The following CDH4 variants were observed in gnomAD, a reference collection of about 807,000 sequenced individuals.
CDH4 encodes cadherin 4.
Under a neutral mutation model 86.0 loss-of-function variants are expected in CDH4, and 33 were observed. That is an observed-to-expected ratio of 0.38 (90% confidence interval 0.29 to 0.51). The LOEUF is 0.51. Ranked by LOEUF, CDH4 falls within the 20% of genes least tolerant of loss-of-function variation. The pLI is 0.86. For synonymous variants in CDH4, 555 were observed against 549.4 expected (o/e 1.01, Z -0.14); for missense variants, 1,114 against 1,307.4 (o/e 0.85, Z 2.28).
chr20:61,569,033 G>A (rs1051654806), intron 2 of CDH4, among the ~76,000 whole-genome samples: 3 of 152,218 alleles, frequency 2.0e-5, no homozygotes, highest in African/African-American at 7.2e-5. Flanking sequence ...CCACTGGACT[G>A]CATGGGTCAT....
chr20:61,766,180 C>A (rs984701351), intron 3 of CDH4, among the ~76,000 whole-genome samples: 2 of 151,986 alleles, frequency 1.3e-5, no homozygotes, highest in African/African-American at 4.8e-5. Context: ...CCTGACCCTC[C>A]CCTCCCTACC....
At chr20:61,717,174 ACCAAGT>A (rs899469075) in intron 2 of CDH4, among the ~76,000 whole-genome samples, 3 of 152,220 alleles carry the variant, frequency 2.0e-5, no homozygotes, top group Non-Finnish European at 4.4e-5. Flanking sequence ...CTCAACATGC[ACCAAGT>A]CCCCCTTGAC....
At chr20:61,574,167 C>T (rs1368106524) in intron 2 of CDH4, among the ~76,000 whole-genome samples, 1 of 152,242 alleles carries the variant, frequency 6.6e-6, no homozygotes, top group Non-Finnish European at 1.5e-5. Context: ...CACAAAGGTG[C>T]CTTCCCTCCC....
intron 8 of CDH4, among the ~76,000 whole-genome samples, chr20:61,900,390 G>T (rs968609627): frequency 3.9e-5 from 6 of 152,102 alleles, no homozygotes; most frequent in South Asian, 2.1e-4. Context: ...CAACTTTTCC[G>T]AGCACAGAGG....
At chr20:61,315,340 T>C in intron 2 of CDH4, among the ~76,000 whole-genome samples, 1 of 152,112 alleles carries the variant, frequency 6.6e-6, no homozygotes, top group Non-Finnish European at 1.5e-5. Flanking sequence ...GGAGAGAAAC[T>C]GGGGGACATT....
chr20:61,910,182 T>C (rs1034245767), intron 8 of CDH4, among the ~76,000 whole-genome samples: 16 of 151,538 alleles, frequency 1.1e-4, no homozygotes, highest in African/African-American at 2.9e-4. Context: ...TGAGCTGGGC[T>C]GACATGGTGT....
intron 2 of CDH4, among the ~76,000 whole-genome samples, chr20:61,667,140 A>G (rs2087334759): frequency 6.6e-6 from 1 of 152,330 alleles, no homozygotes; most frequent in African/African-American, 2.4e-5. Flanking sequence ...GGAGGCAAAG[A>G]AGGGGCCGGT....
intron 6 of CDH4, among the ~76,000 whole-genome samples, chr20:61,860,848 C>T (rs1230080432): frequency 6.6e-6 from 1 of 152,102 alleles, no homozygotes; most frequent in Non-Finnish European, 1.5e-5. Context: ...TTTATATCTG[C>T]AGGAGGACTC....
rs73915249 is a variant in CDH4 at position 61,268,388 on chromosome 20, C to T, written c.169+13451C>T. Reference sequence around the variant, plus strand: ...GTGGGAGCCGAGTGGGACCTGCACACGGGGAGGCCCAGGCCAACAGGTCAG... The same window carrying T: ...GTGGGAGCCGAGTGGGACCTGCACATGGGGAGGCCCAGGCCAACAGGTCAG... On this transcript the variant is annotated intron_variant, in intron 2 of 15. Transcript: ENST00000614565. Among the ~76,000 whole-genome samples the T allele has an allele frequency of 5.4e-3, 821 of 152,384 alleles. 7 individuals carry two copies. Among genetic ancestry groups the T allele is most frequent in the African/African-American group, 0.018 (766 of 41,594 alleles).
rs1292408492 is a variant in CDH4, at chr20:61,684,759, C to A, written c.170-58804C>A. 1.3e-5 allele frequency among the ~76,000 whole-genome samples: 2 copies of A among 152,178 alleles called. No individual in the cohort carries two copies. Among genetic ancestry groups the A allele is most frequent in the African/African-American group, 2.4e-5 (1 of 41,432 alleles). On this transcript the variant is annotated intron_variant, in intron 2 of 15. Transcript: ENST00000614565. This position sits in a 1 kb window ranked among gnomAD's most constrained non-coding sequence, Gnocchi z 4.5. ...TGCCACACCCACCCAGCACAGCAGC[C>A]TCCCTCAATCTGCAGCCCACAGCCG...
At chr20:61,901,055 G>C (rs754098462) in intron 8 of CDH4, among the ~76,000 whole-genome samples, 1 of 152,236 alleles carries the variant, frequency 6.6e-6, no homozygotes, top group African/African-American at 2.4e-5. Context: ...CTCCAATCCC[G>C]GGTAAGAAGA....
intron 2 of CDH4, among the ~76,000 whole-genome samples, chr20:61,386,914 G>C: frequency 6.6e-6 from 1 of 152,226 alleles, no homozygotes; most frequent in East Asian, 1.9e-4. Context: ...GTCAGGACCG[G>C]CCCCAAGACC....
intron 3 of CDH4, among the ~76,000 whole-genome samples, chr20:61,761,231 C>G (rs1310504070): frequency 2.0e-5 from 3 of 152,104 alleles, no homozygotes; most frequent in Non-Finnish European, 4.4e-5. Flanking sequence ...GGGAGGGGGG[C>G]TCACATAATT....
At position 61,565,388 on chromosome 20, in the gene CDH4, TGG is replaced by T. The variant is rs1491003999; in HGVS notation, c.170-178172_170-178171del. On this transcript the variant is annotated intron_variant, in intron 2 of 15. Coordinates refer to ENST00000614565, the MANE Select transcript of CDH4 (RefSeq NM_001794.5). ...ATGGTGGTGGTGGTCCTCTTGGTGA[TGG>T]GGTGATGGTGGTGGCGGTGCTCTTG... Among the ~76,000 whole-genome samples, 2 of 20,844 alleles carry T rather than the reference TGG, an allele frequency of 9.6e-5. 1 individual carries two copies. The highest frequency in any genetic ancestry group is 3.6e-3 in the South Asian group (2 of 562). The allele number at this position is 20,844 out of a possible 152,430, so 13.7% of individuals were successfully genotyped here. A position where few individuals can be genotyped will look rare whatever the true frequency, so the allele number is the denominator to read the frequency against.
chr20:61,821,403 C>T (rs1434978021), intron 4 of CDH4, among the ~76,000 whole-genome samples: 3 of 127,406 alleles, frequency 2.4e-5, no homozygotes, highest in South Asian at 2.8e-4. Flanking sequence ...AGCCCAGATC[C>T]CACTGCTCCA....
At chr20:61,927,947 G>A (rs138400279) in intron 11 of CDH4, among the ~76,000 whole-genome samples, 164 of 152,342 alleles carry the variant, frequency 1.1e-3, no homozygotes, top group African/African-American at 3.8e-3. Flanking sequence ...TTGAGGTGCC[G>A]TACGCAGTGG....
intron 2 of CDH4, among the ~76,000 whole-genome samples, chr20:61,408,613 T>C (rs948355398): frequency 6.6e-6 from 1 of 152,110 alleles, no homozygotes; most frequent in African/African-American, 2.4e-5. Context: ...CCAGGCCCTG[T>C]GTTAGTGAGC....
At chr20:61,701,355 C>G (rs929894361) in intron 2 of CDH4, among the ~76,000 whole-genome samples, 1 of 152,190 alleles carries the variant, frequency 6.6e-6, no homozygotes, top group Non-Finnish European at 1.5e-5. Context: ...AGAATTGAAC[C>G]CATAACAAGC....
At chr20:61,331,858 C>T (rs549616090) in intron 2 of CDH4, among the ~76,000 whole-genome samples, 11 of 152,244 alleles carry the variant, frequency 7.2e-5, no homozygotes, top group South Asian at 4.2e-4. Context: ...CCCTTGCCGC[C>T]GTCCTTGGTG....
Sources: allele counts gnomAD v4.1 joint callset (sites outside exome capture counted in the v4.1 genomes callset), GRCh38; gene constraint gnomAD v4.1.1; non-coding constraint Gnocchi (gnomAD v3.1); transcripts MANE v1.5; gene names NCBI Gene and HGNC (gene_info 2026-07-23, HGNC 2026-07-21).